The following CLSTN2 variants were observed in gnomAD, a reference collection of about 807,000 sequenced individuals.
CLSTN2 encodes the protein calsyntenin-2.
CLSTN2 carries 48 observed loss-of-function variants against 101.2 expected under a neutral mutation model. That is an observed-to-expected ratio of 0.47 (90% CI 0.38 to 0.60). CLSTN2 has a LOEUF of 0.60. CLSTN2 is among the 20% of genes least tolerant of loss of function. The probability of loss-of-function intolerance (pLI) is 0.00; values close to 1 mark genes in which losing one functional copy is unlikely to be tolerated. For missense variants in CLSTN2, 1,160 were observed against 1,238.2 expected, an observed-to-expected ratio of 0.94 and a Z score of 0.95; for synonymous variants, 481 against 463.6, an observed-to-expected ratio of 1.04 and a Z score of -0.48.
chr3:140,334,119 T>C (rs780911661), intron 2 of CLSTN2, among the ~76,000 whole-genome samples: 2 of 152,152 alleles, frequency 1.3e-5, no homozygotes, highest in Non-Finnish European at 2.9e-5. Context: ...AGTTTCCTCA[T>C]CTACAAAATG....
chr3:140,024,094 T>A (rs2007372110), intron 1 of CLSTN2, among the ~76,000 whole-genome samples: 1 of 152,188 alleles, frequency 6.6e-6, no homozygotes, highest in African/African-American at 2.4e-5. Context: ...TCTCAGTTAC[T>A]TCTTCTGCAA....
intron 4 of CLSTN2, among the ~76,000 whole-genome samples, chr3:140,405,808 T>C (rs915007033): frequency 6.6e-6 from 1 of 152,228 alleles, no homozygotes; most frequent in African/African-American, 2.4e-5. Flanking sequence ...GCCAAGTACA[T>C]TGTTTAATTA....
intron 2 of CLSTN2, among the ~76,000 whole-genome samples, chr3:140,354,564 A>C (rs1396851734): frequency 1.3e-5 from 2 of 150,900 alleles, no homozygotes; most frequent in Non-Finnish European, 3.0e-5. Flanking sequence ...ATCCTCCCCA[A>C]CTCCCCTCCA....
chr3:140,419,435 A>G (rs974519584), intron 4 of CLSTN2, among the ~76,000 whole-genome samples: 3 of 137,722 alleles, frequency 2.2e-5, no homozygotes, highest in African/African-American at 5.9e-5. Flanking sequence ...GGGAGCCGAG[A>G]TCATGCCACT....
intron 1 of CLSTN2, among the ~76,000 whole-genome samples, chr3:140,123,826 A>G (rs945693894): frequency 1.1e-4 from 14 of 122,900 alleles, no homozygotes; most frequent in African/African-American, 3.8e-4. Flanking sequence ...ATATACACAT[A>G]TATATGTATG....
intron 2 of CLSTN2, among the ~76,000 whole-genome samples, chr3:140,281,541 A>G (rs1485439954): frequency 1.3e-5 from 2 of 152,152 alleles, no homozygotes; most frequent in Non-Finnish European, 2.9e-5. Flanking sequence ...GAGGAAGGGA[A>G]AAAAGCCCTT....
At chr3:140,000,249 T>A (rs2006799741) in intron 1 of CLSTN2, among the ~76,000 whole-genome samples, 2 of 152,204 alleles carry the variant, frequency 1.3e-5, no homozygotes. Context: ...TATTACCCAT[T>A]CCTGGGGTAG....
intron 2 of CLSTN2, among the ~76,000 whole-genome samples, chr3:140,196,656 G>C (rs893546665): frequency 6.6e-6 from 1 of 152,194 alleles, no homozygotes; most frequent in African/African-American, 2.4e-5. Flanking sequence ...AACATCCACA[G>C]TGGGGGTAGA....
At chr3:140,107,084 G>A (rs965556692) in intron 1 of CLSTN2, among the ~76,000 whole-genome samples, 11 of 152,130 alleles carry the variant, frequency 7.2e-5, no homozygotes, top group Non-Finnish European at 1.2e-4. Context: ...GTGAATGCTG[G>A]TACAGCTGAA....
At chr3:140,113,891 CAT>C (rs2009196671) in intron 1 of CLSTN2, among the ~76,000 whole-genome samples, 1 of 152,160 alleles carries the variant, frequency 6.6e-6, no homozygotes, top group Non-Finnish European at 1.5e-5. Flanking sequence ...ATATTCTACA[CAT>C]GTGAATAAGT....
Position 140,203,214 on chromosome 3 carries a change from A to G in CLSTN2, c.232+27141A>G, listed in dbSNP as rs571331859. Among the ~76,000 whole-genome samples the G allele has an allele frequency of 2.6e-5, 4 of 152,324 alleles. No homozygotes were observed. In the South Asian group the frequency reaches 8.3e-4, roughly 32 times the overall value. The stretch of plus-strand genomic sequence containing the variant: ...GTGATCAAGTGCTGCTGCTAAGTCA[A>G]GTAAGATTAGGACTGAGAAAGGATC... On this transcript the variant is annotated intron_variant, in intron 2 of 16. Coordinates refer to ENST00000458420, the MANE Select transcript of CLSTN2 (RefSeq NM_022131.3).
chr3:140,136,454 G>T (rs2009617005), intron 1 of CLSTN2, among the ~76,000 whole-genome samples: 1 of 152,186 alleles, frequency 6.6e-6, no homozygotes, highest in Non-Finnish European at 1.5e-5. Context: ...CTTTGTCAAT[G>T]AGAGCTGTGA....
At chr3:139,955,769 G>A (rs1229948877) in intron 1 of CLSTN2, among the ~76,000 whole-genome samples, 1 of 152,158 alleles carries the variant, frequency 6.6e-6, no homozygotes, top group African/African-American at 2.4e-5. Flanking sequence ...TAGCTACAGT[G>A]GTCTCTATGC....
At chr3:140,538,721 G>GTGTC (rs1458132964) in intron 9 of CLSTN2, among the ~76,000 whole-genome samples, 2 of 152,162 alleles carry the variant, frequency 1.3e-5, no homozygotes, top group Admixed American at 1.3e-4. Context: ...AGTCCCTAGG[G>GTGTC]TGTCTACAGC....
chr3:140,185,252 G>A (rs1017251090), intron 2 of CLSTN2, among the ~76,000 whole-genome samples: 12 of 152,036 alleles, frequency 7.9e-5, no homozygotes, highest in Non-Finnish European at 1.3e-4. Context: ...GACTCTGTCC[G>A]GCCTCAGTGC....
intron 1 of CLSTN2, among the ~76,000 whole-genome samples, chr3:140,126,812 G>T (rs1452539579): frequency 1.3e-5 from 2 of 152,118 alleles, no homozygotes; most frequent in African/African-American, 2.4e-5. Flanking sequence ...TCTAGGCTGG[G>T]TGCTGCAGAC....
At chr3:140,149,749 G>A (rs573095774) in intron 1 of CLSTN2, among the ~76,000 whole-genome samples, 50 of 152,228 alleles carry the variant, frequency 3.3e-4, no homozygotes, top group African/African-American at 9.4e-4. Flanking sequence ...GAGCCACCGC[G>A]CCTGGCCAAT....
At chr3:140,043,737 A>C (rs1351688424) in intron 1 of CLSTN2, among the ~76,000 whole-genome samples, 1 of 152,168 alleles carries the variant, frequency 6.6e-6, no homozygotes, top group African/African-American at 2.4e-5. Flanking sequence ...TCAGCTTTCT[A>C]CATATGGCTA....
intron 1 of CLSTN2, among the ~76,000 whole-genome samples, chr3:140,074,279 C>A (rs998974944): frequency 1.3e-5 from 2 of 152,080 alleles, no homozygotes; most frequent in African/African-American, 4.8e-5. Flanking sequence ...GAGATAATTC[C>A]TCACCTTGCC....
Sources: gnomAD v4.1 joint callset for allele counts (sites outside exome capture counted in the v4.1 genomes callset) on GRCh38, gnomAD v4.1.1 for gene constraint, MANE v1.5 for transcripts, NCBI Gene and HGNC (gene_info 2026-07-23, HGNC 2026-07-21) for gene names.